RIT2: variants seen among roughly 807,000 people sequenced by gnomAD.
RIT2 encodes the protein GTP-binding protein Rit2.
Under a neutral mutation model 23.7 loss-of-function variants are expected in RIT2, and 24 were observed. That is an observed-to-expected ratio of 1.01 (90% CI 0.73 to 1.43). The LOEUF is 1.43. Among genes scored for constraint, RIT2 ranks in the 40% most tolerant of loss-of-function variants. The probability of loss-of-function intolerance (pLI) is 0.00; values close to 1 mark genes in which losing one functional copy is unlikely to be tolerated. For synonymous variants in RIT2, 107 were observed against 91.1 expected, an observed-to-expected ratio of 1.17 and a Z score of -0.99; for missense variants, 236 against 266.9, an observed-to-expected ratio of 0.88 and a Z score of 0.81.
At chr18:43,085,591 GT>G (rs1391656850) in intron 1 of RIT2, among the ~76,000 whole-genome samples, 1 of 152,030 alleles carries the variant, frequency 6.6e-6, no homozygotes, top group Non-Finnish European at 1.5e-5. Context: ...TGAAGTTGTA[GT>G]ATTTGTCTTT....
intron 2 of RIT2, among the ~76,000 whole-genome samples, chr18:42,997,858 T>A (rs1911021863): frequency 6.6e-6 from 1 of 152,146 alleles, no homozygotes. Flanking sequence ...GGAGTAGGTG[T>A]CAACATCTGG....
At position 42,800,121 on chromosome 18, in the gene RIT2, T is replaced by A. The variant is rs116927877; in HGVS notation, c.427-56401A>T. Among the ~76,000 whole-genome samples, 185 of 152,280 alleles carry A rather than the reference T, an allele frequency of 1.2e-3. 2 individuals are homozygous for A. The East Asian group carries it at 0.03, about 24-fold the overall frequency. ...CAAAAGAATGGATAAATAAATGGCA[T>A]TTATTTTTTAAAAAATCATTATTAA... is the stretch of plus-strand genomic sequence containing the variant. On this transcript the variant is annotated intron_variant, in intron 4 of 4. Transcript: ENST00000326695.
chr18:42,885,401 C>G (rs907222521), intron 4 of RIT2, among the ~76,000 whole-genome samples: 1 of 152,016 alleles, frequency 6.6e-6, no homozygotes, highest in African/African-American at 2.4e-5. Context: ...CTGGCTAACG[C>G]GGTGAAACCC....
intron 4 of RIT2, among the ~76,000 whole-genome samples, chr18:42,856,885 A>G (rs1042108148): frequency 1.2e-4 from 16 of 129,780 alleles, no homozygotes; most frequent in Non-Finnish European, 2.0e-4. Context: ...GCTGGAGTGC[A>G]GTGGTGGGAT....
At chr18:42,786,617 G>A (rs1055798730) in intron 4 of RIT2, among the ~76,000 whole-genome samples, 8 of 151,852 alleles carry the variant, frequency 5.3e-5, no homozygotes, top group African/African-American at 1.5e-4. Context: ...CTTAATTCTC[G>A]GGACTGACAA....
At chr18:43,067,542 G>C (rs146949980) in intron 1 of RIT2, among the ~76,000 whole-genome samples, 1 of 152,108 alleles carries the variant, frequency 6.6e-6, no homozygotes, top group Admixed American at 6.5e-5. Context: ...CTCAAATCAG[G>C]GGCTTCTTGT....
chr18:42,783,089 C>A (rs1343653627), intron 4 of RIT2, among the ~76,000 whole-genome samples: 1 of 152,038 alleles, frequency 6.6e-6, no homozygotes, highest in African/African-American at 2.4e-5. Context: ...CTTTTAAGTC[C>A]AACTTATTTC....
chr18:43,113,839 C>T (rs1465672170), intron 1 of RIT2, among the ~76,000 whole-genome samples: 1 of 152,196 alleles, frequency 6.6e-6, no homozygotes, highest in Non-Finnish European at 1.5e-5. Context: ...TCCCTGACCT[C>T]ACAAGCTGCT....
chr18:43,074,303 G>T (rs189536087), intron 1 of RIT2, among the ~76,000 whole-genome samples: 1 of 152,080 alleles, frequency 6.6e-6, no homozygotes, highest in Non-Finnish European at 1.5e-5. Context: ...TTTTCTTTGC[G>T]TATGTTTGTA....
intron 4 of RIT2, among the ~76,000 whole-genome samples, chr18:42,905,131 T>C (rs1419220478): frequency 6.6e-6 from 1 of 152,178 alleles, no homozygotes; most frequent in Non-Finnish European, 1.5e-5. Flanking sequence ...TGAGGAGATG[T>C]GCACAGAAAC....
At chr18:42,800,604 A>G (rs1905507742) in intron 4 of RIT2, among the ~76,000 whole-genome samples, 1 of 147,404 alleles carries the variant, frequency 6.8e-6, no homozygotes, top group Non-Finnish European at 1.5e-5. Context: ...CATCTGGCTC[A>G]CTGCAAGCTC....
chr18:42,919,689 G>A (rs1598714740), intron 4 of RIT2, among the ~76,000 whole-genome samples: 1 of 152,020 alleles, frequency 6.6e-6, no homozygotes. Context: ...ACTCCAGCCT[G>A]GGTGACAGAG....
chr18:43,050,082 A>G (rs4410165), intron 1 of RIT2, among the ~76,000 whole-genome samples: 118,610 of 147,952 alleles, frequency 0.8, 49,129 homozygotes, highest in Non-Finnish European at 0.93. Context: ...GATGGAGTAC[A>G]GTGGCACAAT....
At chr18:42,896,314 A>G (rs1353302869) in intron 4 of RIT2, among the ~76,000 whole-genome samples, 1 of 152,244 alleles carries the variant, frequency 6.6e-6, no homozygotes, top group East Asian at 1.9e-4. Flanking sequence ...GTGAGAAGGC[A>G]TGGATTCAAC....
chr18:42,818,672 G>A (rs1033488436), intron 4 of RIT2, among the ~76,000 whole-genome samples: 3 of 151,968 alleles, frequency 2.0e-5, no homozygotes, highest in Non-Finnish European at 2.9e-5. Context: ...AATACTGTAC[G>A]CATGCTACTG....
chr18:42,837,510 T>C (rs1906649891), intron 4 of RIT2, among the ~76,000 whole-genome samples: 1 of 152,144 alleles, frequency 6.6e-6, no homozygotes, highest in South Asian at 2.1e-4. Flanking sequence ...CTATACTTTT[T>C]TCATGCTGAT....
chr18:42,840,848 G>A (rs1163329627), intron 4 of RIT2, among the ~76,000 whole-genome samples: 1 of 152,158 alleles, frequency 6.6e-6, no homozygotes, highest in Non-Finnish European at 1.5e-5. Flanking sequence ...CCTAAATGGG[G>A]TATCTATGGC....
chr18:43,027,190 G>C (rs1911753170), intron 2 of RIT2, among the ~76,000 whole-genome samples: 1 of 152,020 alleles, frequency 6.6e-6, no homozygotes, highest in South Asian at 2.1e-4. Context: ...ATGAAAACAT[G>C]GCTAGAGTTG....
intron 1 of RIT2, among the ~76,000 whole-genome samples, chr18:43,070,749 G>C (rs904218419): frequency 6.6e-6 from 1 of 152,136 alleles, no homozygotes; most frequent in Non-Finnish European, 1.5e-5. Context: ...AAAATTACCA[G>C]AGCAACCATC....
Sources: gnomAD v4.1 joint callset for allele counts (sites outside exome capture counted in the v4.1 genomes callset) on GRCh38, gnomAD v4.1.1 for gene constraint, MANE v1.5 for transcripts, NCBI Gene and HGNC (gene_info 2026-07-23, HGNC 2026-07-21) for gene names.